Variants in TBC1D9 observed in about 807,000 individuals in gnomAD.
TBC1D9 encodes the protein TBC1 domain family member 9A.
In TBC1D9, 63 loss-of-function variants were observed where a neutral mutation model predicts 132.0. That is an observed-to-expected ratio of 0.48 (90% confidence interval 0.39 to 0.59). The LOEUF is 0.59. Ranked by LOEUF, TBC1D9 falls within the 20% of genes least tolerant of loss-of-function variation. The pLI is 0.00. For synonymous variants in TBC1D9, 610 were observed against 609.9 expected (o/e 1.00, Z 0.00); for missense variants, 1,261 against 1,592.7 (o/e 0.79, Z 3.54).
chr4:140,681,777 CA>C (rs1215288894), intron 3 of TBC1D9, among the ~76,000 whole-genome samples: 3 of 152,168 alleles, frequency 2.0e-5, no homozygotes, highest in Admixed American at 6.5e-5. Flanking sequence ...AAGAAATCTG[CA>C]CTGAATCTTA....
chr4:140,740,980 C>A lies in TBC1D9; in HGVS notation c.130+14936G>T, dbSNP rs547679446. ...AAGCCCTCCAACCAACTGAATGGACCTCTCCTCTCAGCCAAGGGACTTCAA... is the reference window on the plus strand; with the variant it reads ...AAGCCCTCCAACCAACTGAATGGACATCTCCTCTCAGCCAAGGGACTTCAA... On this transcript the variant is annotated intron_variant, in intron 1 of 20. Coordinates refer to ENST00000442267, the MANE Select transcript of TBC1D9 (RefSeq NM_015130.3). 9.9e-5 allele frequency among the ~76,000 whole-genome samples: 15 copies of A among 152,258 alleles called. No homozygotes were observed. In the South Asian group the frequency reaches 2.7e-3, roughly 27 times the overall value.
intron 8 of TBC1D9, 57 bp downstream of exon 8, chr4:140,669,577 T>C: frequency 2.0e-6 from 3 of 1,529,702 alleles, no homozygotes; most frequent in Non-Finnish European, 2.7e-6. Flanking sequence ...GTAAAAAATA[T>C]TGTTAATGGC....
chr4:140,643,718 T>A, intron 13 of TBC1D9: 1 of 1,212,252 alleles, frequency 8.2e-7, no homozygotes, highest in East Asian at 2.5e-5. Context: ...CCGTGCAGGG[T>A]TCTGTCCGGC....
At chr4:140,736,992 C>T (rs1738682506) in intron 1 of TBC1D9, among the ~76,000 whole-genome samples, 1 of 152,138 alleles carries the variant, frequency 6.6e-6, no homozygotes, top group South Asian at 2.1e-4. Flanking sequence ...GCAATTTTTC[C>T]ATGGCCAAGG....
rs1369861028 is a variant in TBC1D9 at position 140,709,244 on chromosome 4, TCTCTCACA to T, written c.131-7638_131-7631del. Among the ~76,000 whole-genome samples the T allele has an allele frequency of 8.6e-3, 925 of 107,248 alleles. 5 individuals carry two copies. Among genetic ancestry groups the T allele is most frequent in the African/African-American group, 0.031 (723 of 23,658 alleles). The allele number at this position is 107,248 out of a possible 152,430, so 70.4% of individuals were successfully genotyped here. A position where few individuals can be genotyped will look rare whatever the true frequency, so the allele number is the denominator to read the frequency against. On this transcript the variant is annotated intron_variant, in intron 1 of 20. Transcript: ENST00000442267. ...ATCTCTCTCTCTCTCTCTCTCTCTC[TCTCTCACA>T]CACACACACACACACACACACACAC...
rs142259536 is a variant in TBC1D9, at chr4:140,672,709, A to G, written c.1060-1783T>C. On this transcript the variant is annotated intron_variant, in intron 6 of 20. Coordinates refer to ENST00000442267, the MANE Select transcript of TBC1D9 (RefSeq NM_015130.3). ...GATAAATGAGTTCTAGCAGAACTCT[A>G]TCACATAAGCTCCCCGCCACCAGGA... Among the ~76,000 whole-genome samples the G allele has an allele frequency of 2.6e-3, 403 of 152,318 alleles. 2 individuals are homozygous for G. Among genetic ancestry groups the G allele is most frequent in the African/African-American group, 9.1e-3 (380 of 41,566 alleles).
intron 1 of TBC1D9, among the ~76,000 whole-genome samples, chr4:140,714,739 C>A (rs1198582454): frequency 6.6e-6 from 1 of 152,172 alleles, no homozygotes; most frequent in East Asian, 1.9e-4. Flanking sequence ...TAAAGAAATA[C>A]ATTTTGGGGT....
intron 18 of TBC1D9, 89 bp from the exon 19 acceptor site, chr4:140,624,477 C>G (rs1376199695): frequency 3.5e-6 from 4 of 1,153,276 alleles, no homozygotes; most frequent in South Asian, 2.9e-5. Flanking sequence ...AGAAGACTCT[C>G]TAAGTAGGGT....
intron 1 of TBC1D9, among the ~76,000 whole-genome samples, chr4:140,754,201 A>G (rs1262106233): frequency 6.6e-6 from 1 of 152,236 alleles, no homozygotes; most frequent in African/African-American, 2.4e-5. Flanking sequence ...ATCCTATTAC[A>G]AATGACACAG....
intron 1 of TBC1D9, among the ~76,000 whole-genome samples, chr4:140,751,068 C>A (rs558258449): frequency 1.8e-4 from 28 of 152,158 alleles, no homozygotes; most frequent in African/African-American, 6.5e-4. Context: ...AGTCAAGAAA[C>A]CTGTAGAAAA....
At chr4:140,638,046 G>A (rs1041760739) in intron 15 of TBC1D9, among the ~76,000 whole-genome samples, 7 of 152,180 alleles carry the variant, frequency 4.6e-5, no homozygotes, top group Non-Finnish European at 7.3e-5. Context: ...CTCCAGTGGT[G>A]AACAGGCAGT....
intron 1 of TBC1D9, among the ~76,000 whole-genome samples, chr4:140,708,010 C>T (rs1262725142): frequency 6.6e-6 from 1 of 151,970 alleles, no homozygotes; most frequent in East Asian, 1.9e-4. Context: ...CCCACCAGAC[C>T]CTGGGCAATT....
intron 16 of TBC1D9, among the ~76,000 whole-genome samples, chr4:140,630,462 T>C (rs1736777559): frequency 6.6e-6 from 1 of 152,204 alleles, no homozygotes; most frequent in Non-Finnish European, 1.5e-5. Context: ...GCATTGTCTG[T>C]CACCTCTTGA....
chr4:140,622,575 G>A lies in TBC1D9; in HGVS notation c.3421C>T (p.Arg1141Trp). ...ATGGAGGAGCAGGCCCCGTTGTCCC[G>A]GGGCGAGGAGTCCTCCAGCTTGATG... ...EDIKLEDSSPRDNGACSSMLI... is the reference protein window; with the variant it reads ...EDIKLEDSSPWDNGACSSMLI... The change falls in exon 21 of 21, where the codon CGG (arginine) becomes TGG (tryptophan). Residue 1141 changes from arginine (R) to tryptophan (W), a missense_variant. Physicochemically the swap from Arg to Trp is moderately radical, Grantham distance 101. Around this residue, in one of 3 missense-constraint regions of TBC1D9, gnomAD observed 618 missense variants for 724.4 expected, o/e 0.85. Coordinates refer to ENST00000442267, the MANE Select transcript of TBC1D9 (RefSeq NM_015130.3). 1.2e-6 allele frequency: 2 copies of A among 1,614,012 alleles called. No homozygotes were observed. The highest frequency in any genetic ancestry group is 1.7e-6 in the Non-Finnish European group (2 of 1,179,888).
chr4:140,624,299 A>G lies in TBC1D9; in HGVS notation c.2974+15T>C, dbSNP rs750095568. On this transcript the variant is annotated intron_variant, in intron 19 of 20. Coordinates refer to ENST00000442267, the MANE Select transcript of TBC1D9 (RefSeq NM_015130.3). ...ACCAGCAAGAAGGTAAACATATAGA[A>G]GAGAATATCCTTACCTTTGTCTGGC... 6.2e-7 allele frequency: 1 copy of G among 1,610,080 alleles called. No homozygotes were observed. Among genetic ancestry groups the G allele is most frequent in the African/African-American group, 1.3e-5 (1 of 74,864 alleles).
At chr4:140,668,617 T>C (rs1737484695) in intron 9 of TBC1D9, among the ~76,000 whole-genome samples, 1 of 152,254 alleles carries the variant, frequency 6.6e-6, no homozygotes, top group African/African-American at 2.4e-5. Flanking sequence ...CAAAGTATTC[T>C]GTTCTTTTAC....
intron 1 of TBC1D9, among the ~76,000 whole-genome samples, chr4:140,735,548 T>TA (rs1434685656): frequency 6.6e-6 from 1 of 152,030 alleles, no homozygotes. Flanking sequence ...CCATCTCTAC[T>TA]AAAAATCACA....
chr4:140,622,902 G>T lies in TBC1D9; in HGVS notation c.3094C>A (p.Leu1032Met). ...AACATGTTATACATTGTCTTACACAGTTCAATGAACTGCCCCTGAAAAGCG... is the reference window on the plus strand; with the variant it reads ...AACATGTTATACATTGTCTTACACATTTCAATGAACTGCCCCTGAAAAGCG... ...PKLNQGQFIE[L>M]CKTMYNMFSE... Residue 1032 changes from leucine to methionine, a missense_variant, in exon 21 of 21, where the codon CTG (leucine) becomes ATG (methionine). Around this residue, in one of 3 missense-constraint regions of TBC1D9, gnomAD observed 618 missense variants for 724.4 expected, o/e 0.85. Coordinates refer to ENST00000442267, the MANE Select transcript of TBC1D9 (RefSeq NM_015130.3). 1 of 1,534,708 alleles carries T rather than the reference G, an allele frequency of 6.5e-7. No homozygotes were observed.
intron 13 of TBC1D9, chr4:140,642,101 G>A (rs34374837): frequency 9.9e-5 from 72 of 729,890 alleles, no homozygotes; most frequent in Non-Finnish European, 1.5e-4. Flanking sequence ...GTGTGTGCCA[G>A]GCCCTCTTGG....
Sources: gnomAD v4.1 joint callset for allele counts (sites outside exome capture counted in the v4.1 genomes callset) on GRCh38, gnomAD v4.1.1 for gene constraint, gnomAD v4.1.1 regional missense constraint, MANE v1.5 for transcripts, NCBI Gene and HGNC (gene_info 2026-07-23, HGNC 2026-07-21) for gene names.